Variants in SNTB1 observed in about 807,000 individuals in gnomAD.
The protein encoded by SNTB1 is beta-1-syntrophin.
Under a neutral mutation model 48.9 loss-of-function variants are expected in SNTB1, and 36 were observed. The ratio of observed to expected loss-of-function variants is 0.74; its 90% CI spans 0.56 to 0.97. SNTB1 has a LOEUF of 0.97. Ranked by LOEUF, SNTB1 falls within the 50% of genes least tolerant of loss-of-function variation. SNTB1 has a pLI of 0.00. For synonymous variants in SNTB1, 299 were observed against 294.6 expected, an observed-to-expected ratio of 1.01 and a Z score of -0.15; for missense variants, 786 against 703.4, an observed-to-expected ratio of 1.12 and a Z score of -1.33.
At chr8:120,714,527 T>A (rs540684436) in intron 1 of SNTB1, among the ~76,000 whole-genome samples, 2 of 152,032 alleles carry the variant, frequency 1.3e-5, no homozygotes, top group South Asian at 4.2e-4. Context: ...AGAAGCAGGA[T>A]CTTCAAATCT....
chr8:120,692,642 G>A (rs558138103), intron 2 of SNTB1, among the ~76,000 whole-genome samples: 1 of 152,086 alleles, frequency 6.6e-6, no homozygotes, highest in South Asian at 2.1e-4. Context: ...GTCATGTACC[G>A]ACTTTGGGAA....
At chr8:120,710,866 T>C (rs1332640006) in intron 1 of SNTB1, among the ~76,000 whole-genome samples, 1 of 152,152 alleles carries the variant, frequency 6.6e-6, no homozygotes, top group Non-Finnish European at 1.5e-5. Context: ...GCAGTACAAA[T>C]AGACTAAAAC....
intron 2 of SNTB1, among the ~76,000 whole-genome samples, chr8:120,639,936 G>T (rs1157780280): frequency 6.6e-6 from 1 of 152,008 alleles, no homozygotes; most frequent in Non-Finnish European, 1.5e-5. Flanking sequence ...TAGCTTGATG[G>T]GGATGGCATT....
intron 2 of SNTB1, among the ~76,000 whole-genome samples, chr8:120,650,777 A>G (rs985499043): frequency 2.0e-5 from 3 of 152,200 alleles, no homozygotes; most frequent in African/African-American, 7.2e-5. Flanking sequence ...AGTGATAGAG[A>G]GTAAAGACAT....
intron 4 of SNTB1, among the ~76,000 whole-genome samples, chr8:120,553,031 T>C (rs1398717844): frequency 1.3e-5 from 2 of 152,066 alleles, no homozygotes; most frequent in South Asian, 4.1e-4. Flanking sequence ...ATGCGAGCAA[T>C]GGGGAGCGCT....
chr8:120,655,183 A>C (rs1472905872), intron 2 of SNTB1: 1 of 255,800 alleles, frequency 3.9e-6, no homozygotes, highest in Non-Finnish European at 7.8e-6. Flanking sequence ...AAAACTTAAA[A>C]AAAAGAATAC....
In SNTB1 at chr8:120,693,771, A is replaced by T. The variant is rs137989371; in HGVS notation, c.709T>A (p.Phe237Ile). 1 of 1,613,812 alleles carries T rather than the reference A, an allele frequency of 6.2e-7. No homozygotes were observed. The highest frequency in any genetic ancestry group is 1.3e-5 in the African/African-American group (1 of 74,922). Residue 237 changes from phenylalanine (F) to isoleucine (I), a missense_variant, in exon 2 of 7, where the codon TTC (phenylalanine) becomes ATC (isoleucine). Coordinates refer to ENST00000517992, the MANE Select transcript of SNTB1 (RefSeq NM_021021.4). ...GGGATGCTTTTCCGGTCTCTGTGGA[A>T]GGAGAAGGACTGCGATGACGGGGGG... is the stretch of plus-strand genomic sequence containing the variant. ...SDPPSSQSFS[F>I]HRDRKSIPLK...
Position 120,538,703 on chromosome 8 carries a change from T to C in SNTB1, c.*174A>G, listed in dbSNP as rs923796455. 6 of 689,486 alleles carry C rather than the reference T, an allele frequency of 8.7e-6. No homozygotes were observed. Among genetic ancestry groups the C allele is most frequent in the Admixed American group, 4.1e-5 (2 of 49,334 alleles). 42.7% of individuals were successfully genotyped at this position (689,486 alleles called of 1,614,324 possible). On this transcript the variant is annotated 3_prime_UTR_variant, in exon 7 of 7. Coordinates refer to ENST00000517992, the MANE Select transcript of SNTB1 (RefSeq NM_021021.4). Reference sequence around the variant, plus strand: ...CATGGTACTTTCGCAGGGTATCCCTTGTAGTTGCTGAAACTGACAGAGGAG... The same window carrying C: ...CATGGTACTTTCGCAGGGTATCCCTCGTAGTTGCTGAAACTGACAGAGGAG...
intron 1 of SNTB1, among the ~76,000 whole-genome samples, chr8:120,715,753 T>A (rs1818544881): frequency 6.6e-6 from 1 of 152,136 alleles, no homozygotes; most frequent in South Asian, 2.1e-4. Flanking sequence ...TTCCTTTTTT[T>A]CCCCCTCCTT....
intron 3 of SNTB1, among the ~76,000 whole-genome samples, chr8:120,588,729 A>T (rs58181006): frequency 1.3e-5 from 2 of 152,032 alleles, no homozygotes; most frequent in African/African-American, 4.8e-5. Context: ...GACTGTTAGG[A>T]GGATGGAATT....
At chr8:120,697,682 G>A (rs1404594943) in intron 1 of SNTB1, among the ~76,000 whole-genome samples, 1 of 152,154 alleles carries the variant, frequency 6.6e-6, no homozygotes, top group East Asian at 1.9e-4. Context: ...CAAAGGAAAT[G>A]TTGCATACAA....
At chr8:120,671,965 CT>C (rs1212251494) in intron 2 of SNTB1, among the ~76,000 whole-genome samples, 1 of 152,186 alleles carries the variant, frequency 6.6e-6, no homozygotes, top group Non-Finnish European at 1.5e-5. Flanking sequence ...GATTTTTCAA[CT>C]TATGATGGTG....
intron 3 of SNTB1, among the ~76,000 whole-genome samples, chr8:120,595,144 G>A (rs1028260837): frequency 1.3e-5 from 2 of 152,080 alleles, no homozygotes; most frequent in African/African-American, 4.8e-5. Flanking sequence ...CGGTGGACTT[G>A]TCAGAGCTGT....
intron 2 of SNTB1, among the ~76,000 whole-genome samples, chr8:120,683,672 A>G (rs1450361112): frequency 6.6e-6 from 1 of 152,214 alleles, no homozygotes; most frequent in Non-Finnish European, 1.5e-5. Context: ...TGAGGTCCCT[A>G]CAAAAAGCCA....
At chr8:120,717,146 G>T (rs1818572503) in intron 1 of SNTB1, among the ~76,000 whole-genome samples, 1 of 152,200 alleles carries the variant, frequency 6.6e-6, no homozygotes, top group Non-Finnish European at 1.5e-5. Flanking sequence ...GTAGGAGGCT[G>T]CCCAGGAAAA....
At chr8:120,606,427 GTGTGTGTA>G (rs1053873116) in intron 3 of SNTB1, among the ~76,000 whole-genome samples, 20 of 140,986 alleles carry the variant, frequency 1.4e-4, no homozygotes, top group Middle Eastern at 7.8e-3. Context: ...GTGTGTGTGT[GTGTGTGTA>G]TATACACACA....
chr8:120,722,068 T>G (rs1170982033), intron 1 of SNTB1, among the ~76,000 whole-genome samples: 1 of 152,212 alleles, frequency 6.6e-6, no homozygotes, highest in Non-Finnish European at 1.5e-5. Flanking sequence ...GGACATGAAC[T>G]CATCCTTTTT....
chr8:120,603,929 T>A (rs1202879713), intron 3 of SNTB1, among the ~76,000 whole-genome samples: 2 of 152,112 alleles, frequency 1.3e-5, no homozygotes, highest in African/African-American at 2.4e-5. Flanking sequence ...GAAGAAGAGG[T>A]GTCTGCAGCC....
At chr8:120,771,959 T>C (rs959965624) in intron 1 of SNTB1, among the ~76,000 whole-genome samples, 8 of 152,058 alleles carry the variant, frequency 5.3e-5, no homozygotes, top group African/African-American at 1.9e-4. Context: ...CACCTCCACC[T>C]CCCGGGCTCA....
Sources: gnomAD v4.1 joint callset for allele counts (sites outside exome capture counted in the v4.1 genomes callset) on GRCh38, gnomAD v4.1.1 for gene constraint, MANE v1.5 for transcripts, NCBI Gene and HGNC (gene_info 2026-07-23, HGNC 2026-07-21) for gene names.